EXOC3: variants seen among roughly 807,000 people sequenced by gnomAD.
The protein encoded by EXOC3 is SEC6-like 1.
In EXOC3, 21 loss-of-function variants were observed where a neutral mutation model predicts 73.7. The ratio of observed to expected loss-of-function variants is 0.29; its 90% CI spans 0.20 to 0.41. The LOEUF (loss-of-function observed/expected upper bound fraction) is 0.41. Ranked by LOEUF, EXOC3 falls within the 10% of genes least tolerant of loss-of-function variation. The probability of loss-of-function intolerance (pLI) is 1.00; values close to 1 mark genes in which losing one functional copy is unlikely to be tolerated. For synonymous variants in EXOC3, 410 were observed against 389.1 expected (o/e 1.05, Z -0.63); for missense variants, 842 against 985.1 (o/e 0.85, Z 1.95).
chr5:456,977 C>T lies in EXOC3; in HGVS notation c.1135C>T (p.Leu379=). ...GCTTTCTCCACACGTGGTCTCTGAG[C>T]TGCTTGACACGTACATGTCCACGCT... ...PLLSPHVVSE[L]LDTYMSTLTS... The change falls in exon 5 of 13, where the codon CTG becomes TTG. Residue 379 remains leucine, a synonymous_variant. Coordinates refer to ENST00000512944, the MANE Select transcript of EXOC3 (RefSeq NM_007277.5). 1.2e-6 allele frequency: 2 copies of T among 1,613,864 alleles called. No homozygotes were observed. Among genetic ancestry groups the T allele is most frequent in the Non-Finnish European group, 1.7e-6 (2 of 1,179,722 alleles).
chr5:456,414 C>G (rs564296380), intron 4 of EXOC3, among the ~76,000 whole-genome samples: 9 of 151,728 alleles, frequency 5.9e-5, no homozygotes, highest in Middle Eastern at 3.4e-3. Flanking sequence ...CTGTGCTTGT[C>G]GTTTTGACTG....
intron 9 of EXOC3, among the ~76,000 whole-genome samples, chr5:463,335 AAG>A (rs879603794): frequency 7.2e-5 from 11 of 152,250 alleles, no homozygotes; most frequent in Non-Finnish European, 1.6e-4. Context: ...AAAATTTAAA[AAG>A]AATATATAGA....
At position 466,931 on chromosome 5, in the gene EXOC3, A is replaced by G. The variant is rs558484065; in HGVS notation, c.*33A>G. ...CGGCCTGCCCTGCTCGCCCCTCCAC[A>G]GCCTCGGTCCCTGCCTTTAGAAACG... On this transcript the variant is annotated 3_prime_UTR_variant, in exon 13 of 13. Transcript: ENST00000512944. 5.1e-6 allele frequency: 8 copies of G among 1,558,888 alleles called. No homozygotes were observed. The highest frequency in any genetic ancestry group is 3.5e-5 in the South Asian group (3 of 85,090).
chr5:460,473 G>A (rs547221655), intron 7 of EXOC3, among the ~76,000 whole-genome samples: 76 of 152,282 alleles, frequency 5.0e-4, no homozygotes, highest in African/African-American at 1.7e-3. Context: ...CAGCCACGCC[G>A]CCCACTCAGA....
chr5:452,558 A>T (rs1737687005), intron 3 of EXOC3, among the ~76,000 whole-genome samples: 1 of 152,204 alleles, frequency 6.6e-6, no homozygotes, highest in African/African-American at 2.4e-5. Flanking sequence ...AATGGGCCAT[A>T]CTTTCTTCTT....
chr5:466,373 T>G, intron 12 of EXOC3: 1 of 272,024 alleles, frequency 3.7e-6, no homozygotes, highest in Non-Finnish European at 7.0e-6. Flanking sequence ...ACCTGCCACT[T>G]CCCCAAGGGG....
intron 4 of EXOC3, among the ~76,000 whole-genome samples, chr5:454,867 CAT>C (rs1491471214): frequency 1.4e-5 from 1 of 73,468 alleles, no homozygotes; most frequent in Non-Finnish European, 2.5e-5. Flanking sequence ...GAATAAACCT[CAT>C]TTTTTTTTTT....
At chr5:460,178 A>G (rs933637536) in intron 7 of EXOC3, among the ~76,000 whole-genome samples, 2 of 152,194 alleles carry the variant, frequency 1.3e-5, no homozygotes, top group African/African-American at 2.4e-5. Context: ...TTGTATCTCA[A>G]GTGTGTCTTT....
intron 3 of EXOC3, among the ~76,000 whole-genome samples, chr5:449,722 G>A (rs972384899): frequency 6.6e-6 from 1 of 152,180 alleles, no homozygotes; most frequent in African/African-American, 2.4e-5. Context: ...TTGCTTCCAC[G>A]TTTTAGCTAT....
At chr5:459,151 C>G (rs1737907103) in intron 6 of EXOC3, among the ~76,000 whole-genome samples, 1 of 151,912 alleles carries the variant, frequency 6.6e-6, no homozygotes, top group Non-Finnish European at 1.5e-5. Flanking sequence ...AGAAATGAGT[C>G]ACTTGGTACT....
Position 446,234 on chromosome 5 carries a change from C to T in EXOC3, c.29C>T (p.Ala10Val), listed in dbSNP as rs759310013. 1.8e-5 allele frequency: 29 copies of T among 1,613,844 alleles called. No homozygotes were observed. The highest frequency in any genetic ancestry group is 2.4e-5 in the Non-Finnish European group (28 of 1,179,882). Residue 10 changes from alanine (A) to valine (V), a missense_variant, in exon 2 of 13, where the codon GCG becomes GTG. Physicochemically the swap from Ala to Val is moderately conservative, Grantham distance 64. Transcript: ENST00000512944. MKETDREAVATAVQRVAGML... is the reference protein window; with the variant it reads MKETDREAVVTAVQRVAGML... ...AAGGAGACAGACCGGGAGGCCGTTGCGACAGCAGTGCAAAGGGTTGCTGGG... is the reference window on the plus strand; with the variant it reads ...AAGGAGACAGACCGGGAGGCCGTTGTGACAGCAGTGCAAAGGGTTGCTGGG...
intron 1 of EXOC3, among the ~76,000 whole-genome samples, chr5:445,450 C>T (rs973475183): frequency 2.6e-5 from 4 of 151,266 alleles, no homozygotes; most frequent in African/African-American, 7.3e-5. Context: ...CCGGGGTTCA[C>T]GCCAGTCTCC....
chr5:445,805 A>C (rs1295605043), intron 1 of EXOC3, among the ~76,000 whole-genome samples: 1 of 152,084 alleles, frequency 6.6e-6, no homozygotes, highest in Non-Finnish European at 1.5e-5. Flanking sequence ...GCTGGGGGAA[A>C]GCTCCCGAAA....
At chr5:456,301 A>G (rs1184849145) in intron 4 of EXOC3, among the ~76,000 whole-genome samples, 1 of 152,186 alleles carries the variant, frequency 6.6e-6, no homozygotes, top group African/African-American at 2.4e-5. Context: ...GTTGTTCTAT[A>G]TTTTTTGAAA....
At chr5:465,589 C>T (rs1036278824) in intron 11 of EXOC3, 129 bp from the exon 12 acceptor site, 1 of 1,215,410 alleles carries the variant, frequency 8.2e-7, no homozygotes, top group African/African-American at 1.5e-5. Context: ...ACTGAGCTTT[C>T]AGAGTAGATC....
At chr5:461,313 T>G (rs956775986) in intron 7 of EXOC3, among the ~76,000 whole-genome samples, 1 of 152,248 alleles carries the variant, frequency 6.6e-6, no homozygotes, top group African/African-American at 2.4e-5. Flanking sequence ...ATTTTTTAAT[T>G]GTTTTTAAGA....
rs201896854 is a variant in EXOC3 at position 464,362 on chromosome 5, G to A, written c.1726G>A (p.Val576Met). ...CGCTGTAGACATTATCTGTGTCACC[G>A]TGGAAGACTATTTCAACGATTTTGC... ...SNAVDIICVTVEDYFNDFAKI... is the reference protein window; with the variant it reads ...SNAVDIICVTMEDYFNDFAKI... The change falls in exon 10 of 13, where the codon GTG (valine) becomes ATG (methionine). Residue 576 changes from valine (V) to methionine (M), a missense_variant. Coordinates refer to ENST00000512944, the MANE Select transcript of EXOC3 (RefSeq NM_007277.5). 297 of 1,613,720 alleles carry A rather than the reference G, an allele frequency of 1.8e-4. No homozygotes were observed. Among genetic ancestry groups the A allele is most frequent in the Middle Eastern group, 3.3e-4 (2 of 6,062 alleles).
At position 465,156 on chromosome 5, in the gene EXOC3, C is replaced by G. The variant is rs1241144901; in HGVS notation, c.1822C>G (p.Arg608Gly). The part of the protein sequence containing the change: ...AHRRVVVEYL[R>G]AVMQKRISFR... ...CCGGCGCGTGGTGGTGGAGTACCTG[C>G]GGGCGGTCATGCAGAAGCGCATTTC... Residue 608 changes from arginine to glycine, a missense_variant, in exon 11 of 13, where the codon CGG (arginine) becomes GGG (glycine). Transcript: ENST00000512944. 10 of 1,596,022 alleles carry G rather than the reference C, an allele frequency of 6.3e-6. No individual in the cohort carries two copies. Among genetic ancestry groups the G allele is most frequent in the Non-Finnish European group, 3.4e-6 (4 of 1,172,178 alleles).
chr5:457,724 C>T (rs760268048), intron 5 of EXOC3, 176 bp from the exon 6 acceptor site: 16 of 612,900 alleles, frequency 2.6e-5, no homozygotes, highest in Non-Finnish European at 4.5e-5. Context: ...TGGTCACTGC[C>T]TCCCATGGGG....
Sources: allele counts gnomAD v4.1 joint callset (sites outside exome capture counted in the v4.1 genomes callset), GRCh38; gene constraint gnomAD v4.1.1; transcripts MANE v1.5; gene names NCBI Gene and HGNC (gene_info 2026-07-23, HGNC 2026-07-21).